Variants in EXOC6 observed in about 807,000 individuals in gnomAD.
EXOC6 encodes the protein SEC15-like 1.
A neutral mutation model predicts 112.5 loss-of-function variants in EXOC6; 60 were observed. The observed-to-expected ratio is 0.53, with a 90% CI of 0.43 to 0.66. The LOEUF is 0.66. Ranked by LOEUF, EXOC6 falls within the 30% of genes least tolerant of loss-of-function variation. The pLI is 0.00. For synonymous variants in EXOC6, 295 were observed against 308.0 expected (o/e 0.96, Z 0.44); for missense variants, 855 against 957.1 (o/e 0.89, Z 1.41).
intron 5 of EXOC6, among the ~76,000 whole-genome samples, chr10:92,903,826 G>C (rs2133853346): frequency 6.6e-6 from 1 of 152,114 alleles, no homozygotes; most frequent in Non-Finnish European, 1.5e-5. Context: ...AGAGTCCATA[G>C]TTTTACAGTA....
chr10:93,056,124 T>A (rs1846528565), intron 20 of EXOC6, among the ~76,000 whole-genome samples: 1 of 152,220 alleles, frequency 6.6e-6, no homozygotes, highest in East Asian at 1.9e-4. Flanking sequence ...AAGTTGGTTT[T>A]AAATGGCTTA....
chr10:92,921,751 C>T (rs573684543), intron 8 of EXOC6, among the ~76,000 whole-genome samples: 193 of 150,120 alleles, frequency 1.3e-3, no homozygotes, highest in Admixed American at 3.1e-3. Flanking sequence ...TGGGCTCAAG[C>T]GATTCTCCCA....
chr10:93,057,109 A>G (rs1282898802), intron 21 of EXOC6, 73 bp downstream of exon 21: 3 of 789,204 alleles, frequency 3.8e-6, no homozygotes, highest in Non-Finnish European at 6.0e-6. Flanking sequence ...GAAGAACTAG[A>G]GATTTCTGTC....
intron 9 of EXOC6, among the ~76,000 whole-genome samples, chr10:92,929,397 A>G (rs909843878): frequency 1.8e-4 from 28 of 152,228 alleles, no homozygotes; most frequent in African/African-American, 6.5e-4. Flanking sequence ...TCCTGATACT[A>G]TCTCCAAGTG....
In EXOC6 at chr10:93,058,565, A is replaced by G. The variant is rs1048819464; in HGVS notation, c.*210A>G. 3 of 368,788 alleles carry G rather than the reference A, an allele frequency of 8.1e-6. No homozygotes were observed. Among genetic ancestry groups the G allele is most frequent in the African/African-American group, 2.1e-5 (1 of 47,750 alleles). The allele number at this position is 368,788 out of a possible 1,614,324, so 22.8% of individuals were successfully genotyped here. On this transcript the variant is annotated 3_prime_UTR_variant, in exon 22 of 22. Coordinates refer to ENST00000260762, the MANE Select transcript of EXOC6 (RefSeq NM_019053.6). ...ATTTTATATATGGAAAAAAATGACC[A>G]TTTTTTCACTTTTAGGGGAAAATGC...
intron 1 of EXOC6, among the ~76,000 whole-genome samples, chr10:92,854,208 G>C (rs1393022089): frequency 6.6e-6 from 1 of 152,144 alleles, no homozygotes; most frequent in Non-Finnish European, 1.5e-5. Flanking sequence ...GGGAGGCTGA[G>C]GCAGGTGGAT....
chr10:92,952,354 C>T lies in EXOC6; in HGVS notation c.1498C>T (p.Leu500Phe), dbSNP rs267602618. 6.2e-7 allele frequency: 1 copy of T among 1,610,182 alleles called. No homozygotes were observed. The highest frequency in any genetic ancestry group is 8.5e-7 in the Non-Finnish European group (1 of 1,176,908). The change falls in exon 15 of 22, where the codon CTT becomes TTT. Residue 500 changes from leucine to phenylalanine, a missense_variant. This residue lies in a region of EXOC6 where 450 missense variants were observed against 563.5 expected (regional missense o/e 0.80). Transcript: ENST00000260762. Reference sequence around the variant, plus strand: ...AGTTAAAGAATTTATTTATGCCAGCCTTAAATTTTCAGAGTCACTACACCG... The same window carrying T: ...AGTTAAAGAATTTATTTATGCCAGCTTTAAATTTTCAGAGTCACTACACCG... ...IQVKEFIYAS[L>F]KFSESLHRSS...
rs1158757425 is a variant in EXOC6 at position 93,011,702 on chromosome 10, G to A, written c.2096-2492G>A. On this transcript the variant is annotated intron_variant, in intron 19 of 21. Transcript: ENST00000260762. ...ATTTTGCTTATCGTTTTTCAGTTAA[G>A]ATGTAATGATACTAGAGAAAGGCAA... Among the ~76,000 whole-genome samples the A allele has an allele frequency of 2.0e-5, 3 of 152,232 alleles. No individual in the cohort carries two copies. The East Asian group carries it at 5.8e-4, about 29-fold the overall frequency.
chr10:93,029,912 T>C (rs1672198343), intron 20 of EXOC6, among the ~76,000 whole-genome samples: 1 of 141,928 alleles, frequency 7.0e-6, no homozygotes, highest in African/African-American at 2.5e-5. Context: ...TTCTTTTTTC[T>C]TTTTTTTTTT....
chr10:92,844,719 T>C (rs904815870), upstream of EXOC6, among the ~76,000 whole-genome samples: 1 of 152,216 alleles, frequency 6.6e-6, no homozygotes, highest in African/African-American at 2.4e-5. Flanking sequence ...AATGCTAATG[T>C]TGATTGAGCT....
chr10:93,024,493 A>G (rs1421674545), intron 20 of EXOC6, among the ~76,000 whole-genome samples: 1 of 152,124 alleles, frequency 6.6e-6, no homozygotes, highest in Non-Finnish European at 1.5e-5. Flanking sequence ...GTACAGTGGC[A>G]CAGTCTTGGC....
chr10:92,979,219 G>A, intron 18 of EXOC6, among the ~76,000 whole-genome samples: 1 of 152,180 alleles, frequency 6.6e-6, no homozygotes, highest in East Asian at 1.9e-4. Context: ...GGAGTGCACT[G>A]GTGCAATCTT....
chr10:92,906,186 G>A (rs1208687635), intron 5 of EXOC6, among the ~76,000 whole-genome samples: 1 of 152,038 alleles, frequency 6.6e-6, no homozygotes, highest in African/African-American at 2.4e-5. Context: ...TGTCAATATG[G>A]TATATCTTTC....
chr10:93,056,004 A>G (rs1488734530), intron 20 of EXOC6, among the ~76,000 whole-genome samples: 3 of 152,210 alleles, frequency 2.0e-5, no homozygotes, highest in African/African-American at 7.2e-5. Flanking sequence ...CAAAACCAGT[A>G]AGACCCCTTA....
intron 1 of EXOC6, among the ~76,000 whole-genome samples, chr10:92,885,313 T>C (rs960329996): frequency 2.0e-5 from 3 of 152,142 alleles, no homozygotes; most frequent in Admixed American, 6.5e-5. Flanking sequence ...AATTAAAATA[T>C]GTAAGTAAAA....
chr10:92,951,006 G>C (rs887181900), intron 14 of EXOC6, among the ~76,000 whole-genome samples: 1 of 152,162 alleles, frequency 6.6e-6, no homozygotes, highest in Non-Finnish European at 1.5e-5. Context: ...AGGGGTAACG[G>C]AGATAAAGGG....
chr10:92,884,512 G>A (rs745410264), intron 1 of EXOC6, among the ~76,000 whole-genome samples: 1 of 152,148 alleles, frequency 6.6e-6, no homozygotes, highest in African/African-American at 2.4e-5. Context: ...ACCAGTATAT[G>A]TATTCTGTTA....
chr10:92,986,557 A>C (rs1843016267), intron 18 of EXOC6, among the ~76,000 whole-genome samples: 1 of 151,538 alleles, frequency 6.6e-6, no homozygotes, highest in Admixed American at 6.6e-5. Context: ...GCAGCTTCCC[A>C]TATGGAGGGG....
chr10:92,896,009 G>A (rs1849733311), intron 4 of EXOC6, among the ~76,000 whole-genome samples: 2 of 140,320 alleles, frequency 1.4e-5, no homozygotes, highest in South Asian at 2.3e-4. Context: ...ATATATATAT[G>A]TGTATATATG....
Sources: gnomAD v4.1 joint callset for allele counts (sites outside exome capture counted in the v4.1 genomes callset) on GRCh38, gnomAD v4.1.1 for gene constraint, gnomAD v4.1.1 regional missense constraint, MANE v1.5 for transcripts, NCBI Gene and HGNC (gene_info 2026-07-23, HGNC 2026-07-21) for gene names.